Variants in COL23A1 observed in about 807,000 individuals in gnomAD.
COL23A1 encodes collagen type XXIII alpha 1 chain.
A neutral mutation model predicts 99.3 loss-of-function variants in COL23A1; 97 were observed. That is an observed-to-expected ratio of 0.98 (90% CI 0.83 to 1.16). The LOEUF (loss-of-function observed/expected upper bound fraction) is 1.16, where lower values mean the gene tolerates loss of function less well. Among genes scored for constraint, COL23A1 ranks in the 50% most tolerant of loss-of-function variants. COL23A1 has a pLI of 0.00. For missense variants in COL23A1, 762 were observed against 757.4 expected (o/e 1.01, Z -0.07); for synonymous variants, 320 against 308.2 (o/e 1.04, Z -0.40).
chr5:178,305,347 C>G (rs75049363), intron 3 of COL23A1, among the ~76,000 whole-genome samples: 1 of 151,964 alleles, frequency 6.6e-6, no homozygotes, highest in African/African-American at 2.4e-5. Flanking sequence ...AAAGCCTGCG[C>G]CCAGCTCCAG....
Position 178,515,939 on chromosome 5 carries a change from C to T in COL23A1, c.361+44743G>A, listed in dbSNP as rs1333759079. Among the ~76,000 whole-genome samples, 4 of 152,114 alleles carry T rather than the reference C, an allele frequency of 2.6e-5. No individual in the cohort carries two copies. The East Asian group carries it at 5.8e-4, about 22-fold the overall frequency. ...TCGGGGTCACCCGGGCCTTCGCCACCCTGCCAGACGCCTCTGCACGCCCTT... is the reference window on the plus strand; with the variant it reads ...TCGGGGTCACCCGGGCCTTCGCCACTCTGCCAGACGCCTCTGCACGCCCTT... On this transcript the variant is annotated intron_variant, in intron 2 of 28. Transcript: ENST00000390654.
chr5:178,329,799 T>C (rs899964567), intron 2 of COL23A1, among the ~76,000 whole-genome samples: 1 of 152,098 alleles, frequency 6.6e-6, no homozygotes. Context: ...TAGCCAGGCG[T>C]GCTGGTAGGA....
At chr5:178,530,106 AC>A (rs1410356694) in intron 2 of COL23A1, among the ~76,000 whole-genome samples, 2 of 152,160 alleles carry the variant, frequency 1.3e-5, no homozygotes, top group African/African-American at 2.4e-5. Flanking sequence ...TGAATTTGAA[AC>A]CTACAGATGC....
chr5:178,364,078 G>A (rs561024375), intron 2 of COL23A1, among the ~76,000 whole-genome samples: 23 of 152,258 alleles, frequency 1.5e-4, no homozygotes, highest in African/African-American at 4.3e-4. Flanking sequence ...CTACCACCTC[G>A]GTCCCGCCCC....
chr5:178,307,073 T>C lies in COL23A1; in HGVS notation c.362-154A>G, dbSNP rs1055553426. ...TGCTGGCTGTGGAGGGGGAGATGCGTGGGGAGAAACCCCTTCCTTCTGCCA... is the reference window on the plus strand; with the variant it reads ...TGCTGGCTGTGGAGGGGGAGATGCGCGGGGAGAAACCCCTTCCTTCTGCCA... On this transcript the variant is annotated intron_variant, in intron 2 of 28. Coordinates refer to ENST00000390654, the MANE Select transcript of COL23A1 (RefSeq NM_173465.4). The surrounding 1 kb of genome is among the most constrained non-coding windows in gnomAD (Gnocchi z 4.2). 7.6e-6 allele frequency: 4 copies of C among 526,984 alleles called. No individual in the cohort carries two copies. Among genetic ancestry groups the C allele is most frequent in the African/African-American group, 6.0e-5 (3 of 49,678 alleles). The allele number at this position is 526,984 out of a possible 1,614,324, so 32.6% of individuals were successfully genotyped here.
intron 2 of COL23A1, among the ~76,000 whole-genome samples, chr5:178,424,871 G>A (rs1357929877): frequency 2.0e-5 from 3 of 152,176 alleles, no homozygotes; most frequent in African/African-American, 7.2e-5. Flanking sequence ...CCACACAGAG[G>A]GGGTTCAGTA....
At chr5:178,445,600 C>T (rs1421238527) in intron 2 of COL23A1, among the ~76,000 whole-genome samples, 1 of 152,106 alleles carries the variant, frequency 6.6e-6, no homozygotes, top group African/African-American at 2.4e-5. Flanking sequence ...TCTATGACAT[C>T]ACCACTTTGA....
rs564698872 is a variant in COL23A1, at chr5:178,326,866, C to T, written c.362-19947G>A. Among the ~76,000 whole-genome samples, 59 of 152,306 alleles carry T rather than the reference C, an allele frequency of 3.9e-4. No individual in the cohort carries two copies. In the South Asian group the frequency reaches 4.6e-3, roughly 12 times the overall value. On this transcript the variant is annotated intron_variant, in intron 2 of 28. Coordinates refer to ENST00000390654, the MANE Select transcript of COL23A1 (RefSeq NM_173465.4). The stretch of plus-strand genomic sequence containing the variant: ...TCCTGGGTAGCTGGGACTACAGGCG[C>T]CTGCCACCACGCCTGGCTAATTTTC...
rs1173039444 is a variant in COL23A1 at position 178,309,969 on chromosome 5, G to T, written c.362-3050C>A. On this transcript the variant is annotated intron_variant, in intron 2 of 28. Coordinates refer to ENST00000390654, the MANE Select transcript of COL23A1 (RefSeq NM_173465.4). This position sits in a 1 kb window ranked among gnomAD's most constrained non-coding sequence, Gnocchi z 4.7. ...GGGGAGAGGGAGGGAGGGAGAAGGG[G>T]ACAGGCAGGGAGGCCTCAGGTCTCC... Among the ~76,000 whole-genome samples, 3 of 152,170 alleles carry T rather than the reference G, an allele frequency of 2.0e-5. No individual in the cohort carries two copies. The highest frequency in any genetic ancestry group is 7.2e-5 in the African/African-American group (3 of 41,436).
intron 2 of COL23A1, chr5:178,351,049 G>C (rs1199866379): frequency 6.6e-6 from 1 of 152,334 alleles, no homozygotes; most frequent in Non-Finnish European, 1.5e-5. Context: ...AAGCCCCGGG[G>C]CTGCTCAGGC....
chr5:178,246,210 C>T (rs893372833), intron 24 of COL23A1, 44 bp downstream of exon 24: 1 of 1,548,594 alleles, frequency 6.5e-7, no homozygotes, highest in Non-Finnish European at 8.7e-7. Flanking sequence ...CCACCATGAC[C>T]AGGTGGCCAC....
intron 1 of COL23A1, among the ~76,000 whole-genome samples, chr5:178,578,372 T>C (rs1763500669): frequency 6.6e-6 from 1 of 152,078 alleles, no homozygotes; most frequent in Non-Finnish European, 1.5e-5. Context: ...ATGGGAATCT[T>C]CCCTTCCTGA....
chr5:178,442,224 T>C (rs1420190711), intron 2 of COL23A1, among the ~76,000 whole-genome samples: 1 of 150,810 alleles, frequency 6.6e-6, no homozygotes, highest in Non-Finnish European at 1.5e-5. Flanking sequence ...CTGGGATGGG[T>C]GGGTGGTCAG....
rs1762866699 is a variant in COL23A1, at chr5:178,372,787, G to C, written c.362-65868C>G. On this transcript the variant is annotated intron_variant, in intron 2 of 28. Transcript: ENST00000390654. ...GACAGGGTTTCGCCATGTTGCCCAG[G>C]CTGGTCTCAAACTCTTGGGCTTAAG... 2.6e-5 allele frequency among the ~76,000 whole-genome samples: 4 copies of C among 152,144 alleles called. No homozygotes were observed. In the South Asian group the frequency reaches 8.3e-4, roughly 31 times the overall value.
intron 2 of COL23A1, among the ~76,000 whole-genome samples, chr5:178,507,545 C>A (rs1248807243): frequency 6.6e-6 from 1 of 152,226 alleles, no homozygotes; most frequent in Non-Finnish European, 1.5e-5. Flanking sequence ...GGTCGACAGT[C>A]AATAAATGTT....
chr5:178,260,493 A>G (rs141628611), intron 11 of COL23A1, among the ~76,000 whole-genome samples: 2 of 152,324 alleles, frequency 1.3e-5, no homozygotes, highest in East Asian at 3.9e-4. Context: ...CTATGGAGAC[A>G]GTGAAAAGAG....
At chr5:178,581,818 A>G (rs1185427586) in intron 1 of COL23A1, among the ~76,000 whole-genome samples, 2 of 152,118 alleles carry the variant, frequency 1.3e-5, no homozygotes, top group Non-Finnish European at 2.9e-5. Flanking sequence ...CATGACCCTA[A>G]AGATGAGCCA....
In COL23A1 at chr5:178,256,906, G is replaced by A; in HGVS notation, c.797C>T (p.Pro266Leu). The A allele has an allele frequency of 1.2e-6, 2 of 1,613,668 alleles. 1 individual carries two copies. Among genetic ancestry groups the A allele is most frequent in the South Asian group, 2.2e-5 (2 of 91,006 alleles). The part of the protein sequence containing the change: ...GPKGEPGSMG[P>L]RGENGVDGAP... ...ACCGTCCACACCGTTCTCTCCCCGAGGCCCCATGCTCCCTGGCTCGCCCTG... is the reference window on the plus strand; with the variant it reads ...ACCGTCCACACCGTTCTCTCCCCGAAGCCCCATGCTCCCTGGCTCGCCCTG... The change falls in exon 14 of 29, where the codon CCT (proline) becomes CTT (leucine). Residue 266 changes from proline (P) to leucine (L), a missense_variant. By Grantham distance (98) the Pro-to-Leu change is moderately conservative. Transcript: ENST00000390654.
chr5:178,456,918 TCCAA>T (rs1249621142), intron 2 of COL23A1, among the ~76,000 whole-genome samples: 1 of 152,136 alleles, frequency 6.6e-6, no homozygotes, highest in African/African-American at 2.4e-5. Context: ...ACTATAACCG[TCCAA>T]CAAGCCTATG....
Sources: gnomAD v4.1 joint callset for allele counts (sites outside exome capture counted in the v4.1 genomes callset) on GRCh38, gnomAD v4.1.1 for gene constraint, Gnocchi (gnomAD v3.1) non-coding constraint, MANE v1.5 for transcripts, NCBI Gene and HGNC (gene_info 2026-07-23, HGNC 2026-07-21) for gene names.